The following KCNQ5 variants were observed in gnomAD, a reference collection of about 807,000 sequenced individuals.
KCNQ5 encodes the protein potassium voltage-gated channel subfamily Q member 5, also known as potassium voltage-gated channel subfamily KQT member 5.
Under a neutral mutation model 98.2 loss-of-function variants are expected in KCNQ5, and 30 were observed. That is an observed-to-expected ratio of 0.31 (90% confidence interval 0.23 to 0.41). The LOEUF (loss-of-function observed/expected upper bound fraction) is 0.41, where lower values mean the gene tolerates loss of function less well. KCNQ5 is among the 10% of genes least tolerant of loss of function. The pLI, the probability that KCNQ5 is intolerant of heterozygous loss-of-function variation, is 1.00. For synonymous variants in KCNQ5, 458 were observed against 449.4 expected (o/e 1.02, Z -0.24); for missense variants, 835 against 1,182.5 (o/e 0.71, Z 4.31).
At chr6:72,647,151 A>G (rs1765632967) in intron 1 of KCNQ5, among the ~76,000 whole-genome samples, 1 of 152,250 alleles carries the variant, frequency 6.6e-6, no homozygotes. Flanking sequence ...AACAACAGTG[A>G]TCTACAGCTG....
chr6:73,129,725 G>T, intron 9 of KCNQ5: 1 of 1,352,106 alleles, frequency 7.4e-7, no homozygotes, highest in East Asian at 2.4e-5. Flanking sequence ...TTTTATAAAA[G>T]AATCCCTGAG....
Position 72,622,683 on chromosome 6 carries a change from C to T in KCNQ5, c.398+96C>T, listed in dbSNP as rs2098915990. 6 of 1,355,766 alleles carry T rather than the reference C, an allele frequency of 4.4e-6. No homozygotes were observed. The highest frequency in any genetic ancestry group is 6.1e-6 in the Non-Finnish European group (6 of 984,564). 84.0% of individuals were successfully genotyped at this position (1,355,766 alleles called of 1,614,324 possible). On this transcript the variant is annotated intron_variant, in intron 1 of 13. Transcript: ENST00000370398. This position sits in a 1 kb window ranked among gnomAD's most constrained non-coding sequence, Gnocchi z 6.0. ...GCGCTCGCGCCCTTGGGCCCCCGCG[C>T]GCGTGCACACGTGGTGGCTTTTATT...
In KCNQ5 at chr6:73,146,626, C is replaced by CAAAAAAAAAAAA. The variant is rs58798764; in HGVS notation, c.1468+13001_1468+13012dup. On this transcript the variant is annotated intron_variant, in intron 10 of 13. Transcript: ENST00000370398. Reference sequence around the variant, plus strand: ...TGGGCAACAGAACAAGTCCCTGTCTCAAAAAAAAAAAAAAAAAAAAAAAAA... The same window carrying CAAAAAAAAAAAA: ...TGGGCAACAGAACAAGTCCCTGTCTCAAAAAAAAAAAAAAAAAAAAAAAAAAAAAAAAAAAAA... 3.7e-3 allele frequency among the ~76,000 whole-genome samples: 106 copies of CAAAAAAAAAAAA among 28,484 alleles called. 8 individuals carry two copies. Among genetic ancestry groups the CAAAAAAAAAAAA allele is most frequent in the African/African-American group, 9.5e-3 (101 of 10,662 alleles). The allele number at this position is 28,484 out of a possible 152,430, so 18.7% of individuals were successfully genotyped here.
chr6:73,162,745 G>A (rs1008570404), intron 10 of KCNQ5, among the ~76,000 whole-genome samples: 18 of 152,122 alleles, frequency 1.2e-4, no homozygotes, highest in African/African-American at 4.1e-4. Flanking sequence ...CTTCATCATC[G>A]TTTTGTTAGA....
intron 5 of KCNQ5, among the ~76,000 whole-genome samples, chr6:73,098,243 T>A (rs577838666): frequency 6.6e-6 from 1 of 151,534 alleles, no homozygotes; most frequent in East Asian, 1.9e-4. Context: ...AGACAAAAGA[T>A]AAAAGAATAA....
chr6:73,037,465 AT>A (rs1280414300), intron 2 of KCNQ5, among the ~76,000 whole-genome samples: 3 of 151,952 alleles, frequency 2.0e-5, no homozygotes. Context: ...AAATATCTCC[AT>A]TTTTTTCCTA....
chr6:72,837,005 T>C (rs1024550220), intron 1 of KCNQ5, among the ~76,000 whole-genome samples: 11 of 152,368 alleles, frequency 7.2e-5, no homozygotes, highest in Admixed American at 3.3e-4. Flanking sequence ...TGATAGAATA[T>C]GGAACTGGGT....
intron 1 of KCNQ5, among the ~76,000 whole-genome samples, chr6:72,898,365 C>T (rs188471257): frequency 6.6e-6 from 1 of 152,078 alleles, no homozygotes; most frequent in African/African-American, 2.4e-5. Flanking sequence ...GTGTTGTTCC[C>T]CTCTCTGTGT....
At chr6:72,753,442 T>A (rs1198399119) in intron 1 of KCNQ5, among the ~76,000 whole-genome samples, 1 of 152,102 alleles carries the variant, frequency 6.6e-6, no homozygotes, top group Non-Finnish European at 1.5e-5. Flanking sequence ...GGACTTTACT[T>A]GGATAAATAT....
At chr6:72,848,681 CAT>C (rs1777115218) in intron 1 of KCNQ5, among the ~76,000 whole-genome samples, 1 of 152,134 alleles carries the variant, frequency 6.6e-6, no homozygotes, top group Non-Finnish European at 1.5e-5. Flanking sequence ...AACATATCCA[CAT>C]GACTCCACTC....
chr6:72,740,439 A>G (rs1159932871), intron 1 of KCNQ5, among the ~76,000 whole-genome samples: 1 of 152,118 alleles, frequency 6.6e-6, no homozygotes. Context: ...CAGATGTTAC[A>G]TTTGCCATGA....
chr6:72,875,912 T>C (rs1183568001), intron 1 of KCNQ5, among the ~76,000 whole-genome samples: 8 of 152,102 alleles, frequency 5.3e-5, no homozygotes, highest in Non-Finnish European at 1.0e-4. Flanking sequence ...AGTTTACATT[T>C]CTATATTTTT....
intron 1 of KCNQ5, among the ~76,000 whole-genome samples, chr6:72,635,670 G>GTTTTTTTTTTT (rs528990234): frequency 1.2e-4 from 8 of 65,062 alleles, no homozygotes; most frequent in South Asian, 1.2e-3. Context: ...ATTGCTCCTA[G>GTTTTTTTTTTT]TTTTTTTTTT....
intron 1 of KCNQ5, among the ~76,000 whole-genome samples, chr6:72,785,137 T>A (rs149506891): frequency 5.2e-4 from 79 of 152,300 alleles, no homozygotes; most frequent in Middle Eastern, 3.4e-3. Context: ...ATTTCTTCTC[T>A]TATATCGTTG....
At chr6:72,832,394 TA>T (rs1443545740) in intron 1 of KCNQ5, among the ~76,000 whole-genome samples, 2 of 152,084 alleles carry the variant, frequency 1.3e-5, no homozygotes, top group Non-Finnish European at 2.9e-5. Context: ...CTGAGGGCAA[TA>T]TTTTTTTTAA....
chr6:72,915,987 T>C (rs1181910532), intron 1 of KCNQ5, among the ~76,000 whole-genome samples: 1 of 152,210 alleles, frequency 6.6e-6, no homozygotes, highest in Non-Finnish European at 1.5e-5. Context: ...ACACATGAAT[T>C]TGCTAATTGA....
rs115920603 is a variant in KCNQ5 at position 72,714,191 on chromosome 6, C to G, written c.398+91604C>G. On this transcript the variant is annotated intron_variant, in intron 1 of 13. Coordinates refer to ENST00000370398, the MANE Select transcript of KCNQ5 (RefSeq NM_019842.4). ...GTCCATTTGTTGTTGAAGGCCTCTT[C>G]TTACTAAGTCTTAATCTCTACCTAA... Among the ~76,000 whole-genome samples the G allele has an allele frequency of 7.9e-3, 1,203 of 152,108 alleles. 11 individuals carry two copies. The highest frequency in any genetic ancestry group is 0.028 in the African/African-American group (1,150 of 41,378).
chr6:72,854,755 G>GATTT (rs1437584859), intron 1 of KCNQ5, among the ~76,000 whole-genome samples: 5 of 64,662 alleles, frequency 7.7e-5, no homozygotes, highest in Non-Finnish European at 1.4e-4. Flanking sequence ...CACACACCAT[G>GATTT]GTTTGTGTGT....
chr6:73,118,183 G>T (rs1326144679), intron 7 of KCNQ5, among the ~76,000 whole-genome samples: 1 of 152,096 alleles, frequency 6.6e-6, no homozygotes, highest in Non-Finnish European at 1.5e-5. Flanking sequence ...GTACCCCTTC[G>T]CAATCACTAT....
Sources: allele counts gnomAD v4.1 joint callset (sites outside exome capture counted in the v4.1 genomes callset), GRCh38; gene constraint gnomAD v4.1.1; non-coding constraint Gnocchi (gnomAD v3.1); transcripts MANE v1.5; gene names NCBI Gene and HGNC (gene_info 2026-07-23, HGNC 2026-07-21).